STK33: variants seen among roughly 807,000 people sequenced by gnomAD.
STK33 encodes serine/threonine kinase 33.
Under a neutral mutation model 58.0 loss-of-function variants are expected in STK33, and 52 were observed. The observed-to-expected ratio is 0.90, with a 90% CI of 0.72 to 1.13. The LOEUF (loss-of-function observed/expected upper bound fraction) is 1.13, where lower values mean the gene tolerates loss of function less well. Ranked by LOEUF, STK33 falls within the 50% of genes most tolerant of loss-of-function variation. STK33 has a pLI of 0.00. For missense variants in STK33, 630 were observed against 604.2 expected, an observed-to-expected ratio of 1.04 and a Z score of -0.45; for synonymous variants, 215 against 200.1, an observed-to-expected ratio of 1.07 and a Z score of -0.63.
intron 1 of STK33, among the ~76,000 whole-genome samples, chr11:8,529,960 T>TC (rs1954385582): frequency 6.6e-6 from 1 of 152,052 alleles, no homozygotes; most frequent in Non-Finnish European, 1.5e-5. Flanking sequence ...ACTAGTATAT[T>TC]CCCCCAAAAA....
At position 8,392,583 on chromosome 11, in the gene STK33, G is replaced by C; in HGVS notation, c.1472C>G (p.Thr491Ser). Residue 491 changes from threonine (T) to serine (S), a missense_variant, in exon 16 of 16, where the codon ACT becomes AGT. By Grantham distance (58) the Thr-to-Ser change is moderately conservative (BLOSUM62 1). Coordinates refer to ENST00000687296, the MANE Select transcript of STK33 (RefSeq NM_001352389.2). ...IKGEMEKTPVTPSQGTATKYP... is the reference protein window; with the variant it reads ...IKGEMEKTPVSPSQGTATKYP... The stretch of plus-strand genomic sequence containing the variant: ...CTTGGTTGCTGTTCCTTGGCTTGGA[G>C]TCACAGGGGTTTTCTCCATTTCTCC... 6.2e-7 allele frequency: 1 copy of C among 1,614,208 alleles called. No individual in the cohort carries two copies. Among genetic ancestry groups the C allele is most frequent in the Non-Finnish European group, 8.5e-7 (1 of 1,180,048 alleles).
intron 1 of STK33, among the ~76,000 whole-genome samples, chr11:8,524,322 AAAAT>A (rs1234160083): frequency 3.9e-5 from 6 of 152,180 alleles, no homozygotes; most frequent in African/African-American, 7.2e-5. Context: ...TAAATACTAT[AAAAT>A]AAATAAATAA....
At chr11:8,548,480 T>C (rs887436520) in intron 1 of STK33, among the ~76,000 whole-genome samples, 3 of 152,246 alleles carry the variant, frequency 2.0e-5, no homozygotes, top group Non-Finnish European at 4.4e-5. Flanking sequence ...TCCATTTTTA[T>C]GCCAGTACCA....
At chr11:8,432,540 G>T (rs1193163253) in intron 14 of STK33, among the ~76,000 whole-genome samples, 1 of 152,060 alleles carries the variant, frequency 6.6e-6, no homozygotes, top group African/African-American at 2.4e-5. Context: ...TCCCTTAAAT[G>T]TACAAGAGAA....
chr11:8,364,215 G>A, the STK33 span, among the ~76,000 whole-genome samples: 15 of 152,200 alleles, frequency 9.9e-5, 1 homozygote, highest in South Asian at 4.1e-4. Flanking sequence ...TGGTGGCGAC[G>A]TCGTCGGTGG....
chr11:8,393,440 T>C (rs960807287), intron 15 of STK33, among the ~76,000 whole-genome samples: 1 of 152,208 alleles, frequency 6.6e-6, no homozygotes, highest in Non-Finnish European at 1.5e-5. Flanking sequence ...CCTGCTGTCA[T>C]GAGGGAAGCA....
intron 1 of STK33, among the ~76,000 whole-genome samples, chr11:8,482,473 G>T (rs1949883227): frequency 6.6e-6 from 1 of 152,036 alleles, no homozygotes; most frequent in Non-Finnish European, 1.5e-5. Flanking sequence ...ACTGAATTAT[G>T]GATAAAGAGA....
At chr11:8,335,569 C>G in the STK33 span, among the ~76,000 whole-genome samples, 1 of 152,212 alleles carries the variant, frequency 6.6e-6, no homozygotes, top group South Asian at 2.1e-4. Context: ...TGTCCACTCT[C>G]TCATAACATA....
At chr11:8,459,401 A>T (rs776129074) in intron 8 of STK33, among the ~76,000 whole-genome samples, 18 of 152,248 alleles carry the variant, frequency 1.2e-4, no homozygotes, top group Non-Finnish European at 2.4e-4. Context: ...ACATTGGAAA[A>T]ATCACAGATG....
At chr11:8,474,420 A>T (rs79706533) in intron 5 of STK33, among the ~76,000 whole-genome samples, 3,000 of 152,122 alleles carry the variant, frequency 0.02, 84 homozygotes, top group African/African-American at 0.068. Flanking sequence ...ATTTCTGTAT[A>T]AACCATTAAA....
At chr11:8,534,564 CTCTCTGTGTGTGTG>C (rs1418396877) in intron 1 of STK33, among the ~76,000 whole-genome samples, 29 of 118,422 alleles carry the variant, frequency 2.4e-4, no homozygotes, top group Admixed American at 5.1e-4. Flanking sequence ...CTCTCTCTCT[CTCTCTGTGTGTGTG>C]TGTGTGTGTG....
At chr11:8,474,610 G>T in intron 5 of STK33, 71 bp downstream of exon 5, 1 of 1,105,182 alleles carries the variant, frequency 9.0e-7, no homozygotes, top group Non-Finnish European at 1.3e-6. Context: ...ATGGGATATG[G>T]ATGAAGCTAG....
chr11:8,358,279 G>T, the STK33 span, among the ~76,000 whole-genome samples: 1 of 115,436 alleles, frequency 8.7e-6, no homozygotes, highest in Admixed American at 1.1e-4. Context: ...AGCTTGGGGT[G>T]GGGGGGCATG....
At chr11:8,391,013 G>A (rs948415096), downstream of STK33, among the ~76,000 whole-genome samples, 19 of 152,310 alleles carry the variant, frequency 1.2e-4, 1 homozygote, top group Middle Eastern at 6.8e-3. Flanking sequence ...AGCAGCCACC[G>A]TGCACTAGGT....
intron 1 of STK33, among the ~76,000 whole-genome samples, chr11:8,481,975 GGTTT>G (rs1413097174): frequency 3.3e-5 from 5 of 151,974 alleles, no homozygotes; most frequent in African/African-American, 1.2e-4. Context: ...AACAATAACT[GGTTT>G]GTTTTTCTTT....
intron 1 of STK33, among the ~76,000 whole-genome samples, chr11:8,587,973 G>A (rs186476260): frequency 6.6e-6 from 1 of 152,114 alleles, no homozygotes; most frequent in Non-Finnish European, 1.5e-5. Context: ...CACAGTTCTG[G>A]AGGCTGAGAA....
chr11:8,512,359 T>A (rs910660405), intron 1 of STK33, among the ~76,000 whole-genome samples: 2 of 152,040 alleles, frequency 1.3e-5, no homozygotes, highest in African/African-American at 4.8e-5. Flanking sequence ...CCAGAGTCTC[T>A]AAAAAATACA....
intron 1 of STK33, among the ~76,000 whole-genome samples, chr11:8,499,092 T>TA (rs1207096987): frequency 1.3e-5 from 2 of 152,272 alleles, no homozygotes; most frequent in African/African-American, 4.8e-5. Context: ...GGGATCTAAT[T>TA]AAACTGAAGA....
intron 1 of STK33, chr11:8,565,854 T>C (rs1174406183): frequency 6.6e-6 from 1 of 152,262 alleles, no homozygotes; most frequent in East Asian, 1.9e-4. Flanking sequence ...AACAATCCCC[T>C]GGGTTAAGTT....
Sources: allele counts gnomAD v4.1 joint callset (sites outside exome capture counted in the v4.1 genomes callset), GRCh38; gene constraint gnomAD v4.1.1; transcripts MANE v1.5; gene names NCBI Gene and HGNC (gene_info 2026-07-23, HGNC 2026-07-21).